Variants in PEAK1 observed in about 807,000 individuals in gnomAD.
PEAK1 encodes inactive tyrosine-protein kinase PEAK1.
A neutral mutation model predicts 124.7 loss-of-function variants in PEAK1; 54 were observed. The observed-to-expected ratio is 0.43, with a 90% CI of 0.35 to 0.54. PEAK1 has a LOEUF of 0.54. Ranked by LOEUF, PEAK1 falls within the 20% of genes least tolerant of loss-of-function variation. The pLI, the probability that PEAK1 is intolerant of heterozygous loss-of-function variation, is 0.01. For missense variants in PEAK1, 2,046 were observed against 2,134.5 expected (o/e 0.96, Z 0.82); for synonymous variants, 719 against 760.0 (o/e 0.95, Z 0.89).
At chr15:77,367,497 T>C (rs2068334104) in intron 1 of PEAK1, among the ~76,000 whole-genome samples, 1 of 152,184 alleles carries the variant, frequency 6.6e-6, no homozygotes, top group South Asian at 2.1e-4. Context: ...CCCCTCAAAC[T>C]GTACTGCACA....
At chr15:77,345,908 T>C in intron 2 of PEAK1, 3 of 984,748 alleles carry the variant, frequency 3.0e-6, no homozygotes, top group Non-Finnish European at 3.6e-6. Flanking sequence ...ATCAAACTCA[T>C]TTAAAGCCTA....
At chr15:77,381,296 T>C (rs2069456806) in intron 1 of PEAK1, 2 of 913,288 alleles carry the variant, frequency 2.2e-6, no homozygotes, top group Non-Finnish European at 2.6e-6. Context: ...GTACTTGTAG[T>C]TCAAGTTACG....
chr15:77,194,796 C>T (rs780441981), intron 6 of PEAK1, among the ~76,000 whole-genome samples: 4 of 152,164 alleles, frequency 2.6e-5, no homozygotes, highest in Non-Finnish European at 5.9e-5. Flanking sequence ...TGACAAGTGA[C>T]TACCTGACAG....
At chr15:77,366,020 A>C (rs182463083) in intron 1 of PEAK1, among the ~76,000 whole-genome samples, 6 of 152,356 alleles carry the variant, frequency 3.9e-5, no homozygotes, top group East Asian at 3.8e-4. Context: ...TGTTCTCTAC[A>C]TTAGCAAAGA....
intron 6 of PEAK1, among the ~76,000 whole-genome samples, chr15:77,210,882 T>G (rs1199626061): frequency 6.6e-6 from 1 of 152,198 alleles, no homozygotes; most frequent in East Asian, 1.9e-4. Flanking sequence ...AGAGCAAGTC[T>G]CTGTCTCAAA....
At chr15:77,354,958 G>C (rs1442991622) in intron 2 of PEAK1, among the ~76,000 whole-genome samples, 3 of 151,852 alleles carry the variant, frequency 2.0e-5, no homozygotes, top group Admixed American at 6.6e-5. Context: ...AGAATGGCGT[G>C]AACCTGGGAG....
At position 77,179,449 on chromosome 15, in the gene PEAK1, A is replaced by G. The variant is rs1336376578; in HGVS notation, c.2478T>C (p.Ser826=). The change falls in exon 7 of 10, where the codon AGT becomes AGC. Residue 826 remains serine, a synonymous_variant. Coordinates refer to ENST00000682557, the MANE Select transcript of PEAK1 (RefSeq NM_001385026.1). ...TGGTCTGAGGTGCTTCAGCCTCACC[A>G]CTAGGCTGAGATGTAAAGAGAGATT... is the stretch of plus-strand genomic sequence containing the variant. ...RPKSLFTSQP[S]GEAEAPQTTD... is the part of the protein sequence containing the mutation. The G allele has an allele frequency of 4.3e-6, 7 of 1,613,998 alleles. No homozygotes were observed. Among genetic ancestry groups the G allele is most frequent in the Non-Finnish European group, 5.1e-6 (6 of 1,180,002 alleles).
intron 9 of PEAK1, among the ~76,000 whole-genome samples, chr15:77,129,443 A>ATTT (rs35174642): frequency 2.8e-5 from 4 of 141,146 alleles, no homozygotes; most frequent in African/African-American, 1.0e-4. Context: ...TCTACCACTG[A>ATTT]TTTTTTTTTT....
chr15:77,285,314 G>C (rs568138114), intron 3 of PEAK1, among the ~76,000 whole-genome samples: 1 of 152,102 alleles, frequency 6.6e-6, no homozygotes, highest in Non-Finnish European at 1.5e-5. Context: ...GCTTATAAAC[G>C]TTAGTTCCCA....
At chr15:77,326,864 A>G (rs2065609270) in intron 2 of PEAK1, among the ~76,000 whole-genome samples, 1 of 152,118 alleles carries the variant, frequency 6.6e-6, no homozygotes, top group Non-Finnish European at 1.5e-5. Context: ...GACAGAAGAA[A>G]ACCTATCTCA....
At position 77,169,239 on chromosome 15, in the gene PEAK1, T is replaced by G. The variant is rs142315173; in HGVS notation, c.3137+9551A>C. On this transcript the variant is annotated intron_variant, in intron 7 of 9. Transcript: ENST00000682557. ...TACTAGGCCTGGTTGAACTGAAAAT[T>G]TAAGCACAGGTTGGCAATAGGTCTT... Among the ~76,000 whole-genome samples the G allele has an allele frequency of 5.3e-4, 80 of 152,258 alleles. No individual in the cohort carries two copies. The East Asian group carries it at 0.014, about 28-fold the overall frequency.
At chr15:77,145,828 C>T (rs1277184108) in intron 8 of PEAK1, among the ~76,000 whole-genome samples, 1 of 152,260 alleles carries the variant, frequency 6.6e-6, no homozygotes, top group East Asian at 1.9e-4. Flanking sequence ...AAGAGTCCAG[C>T]CCCATGTCTA....
chr15:77,418,457 G>A, intron 1 of PEAK1: 2 of 985,254 alleles, frequency 2.0e-6, no homozygotes, highest in South Asian at 4.7e-5. Flanking sequence ...TTTTCACATA[G>A]TTTGTGAGTT....
chr15:77,283,525 A>T (rs1418124116), intron 5 of PEAK1, among the ~76,000 whole-genome samples: 1 of 152,152 alleles, frequency 6.6e-6, no homozygotes, highest in African/African-American at 2.4e-5. Context: ...CTTTCCAATT[A>T]AAAAAATACT....
chr15:77,260,633 A>G (rs2152937598), intron 5 of PEAK1, among the ~76,000 whole-genome samples: 1 of 152,380 alleles, frequency 6.6e-6, no homozygotes, highest in Non-Finnish European at 1.5e-5. Flanking sequence ...CACTAGACAG[A>G]TAAGCAGTAG....
In PEAK1 at chr15:77,179,719, T is replaced by C; in HGVS notation, c.2208A>G (p.Arg736=). The change falls in exon 7 of 10, where the codon AGA becomes AGG. Residue 736 remains arginine, a synonymous_variant. Coordinates refer to ENST00000682557, the MANE Select transcript of PEAK1 (RefSeq NM_001385026.1). ...TTTTGGCCACAGGCTCTTGAGTGGC[T>C]CTCTGGATCTTTGCTGGGGAGCTGT... ...SSHSSPAKIQ[R]ATQEPVAKIE... 6.2e-7 allele frequency: 1 copy of C among 1,614,076 alleles called. No individual in the cohort carries two copies. Among genetic ancestry groups the C allele is most frequent in the Non-Finnish European group, 8.5e-7 (1 of 1,179,990 alleles).
chr15:77,333,521 C>T (rs1169202800), intron 2 of PEAK1: 4 of 854,194 alleles, frequency 4.7e-6, no homozygotes, highest in Non-Finnish European at 5.6e-6. Context: ...AATTTCTCCA[C>T]TACTTGATTA....
chr15:77,336,041 A>T lies in PEAK1; in HGVS notation c.-603+29122T>A, dbSNP rs1051419180. The T allele has an allele frequency of 3.0e-6, 3 of 985,296 alleles. No individual in the cohort carries two copies. In the African/African-American group the frequency reaches 5.2e-5, roughly 17 times the overall value. 61.0% of individuals were successfully genotyped at this position (985,296 alleles called of 1,614,324 possible). A position where few individuals can be genotyped will look rare whatever the true frequency, so the allele number is the denominator to read the frequency against. ...GGTATCTCTGTGTCTTAATTTTTGA[A>T]GGTAAGATAACAAGAATAACAGTGC... is the stretch of plus-strand genomic sequence containing the variant. On this transcript the variant is annotated intron_variant, in intron 2 of 9. Coordinates refer to ENST00000682557, the MANE Select transcript of PEAK1 (RefSeq NM_001385026.1).
intron 5 of PEAK1, among the ~76,000 whole-genome samples, chr15:77,277,667 TGTAA>T (rs1039923893): frequency 2.0e-5 from 3 of 152,178 alleles, no homozygotes; most frequent in African/African-American, 7.2e-5. Context: ...TCACCATACC[TGTAA>T]GTAAATATTT....
Sources: gnomAD v4.1 joint callset for allele counts (sites outside exome capture counted in the v4.1 genomes callset) on GRCh38, gnomAD v4.1.1 for gene constraint, MANE v1.5 for transcripts, NCBI Gene and HGNC (gene_info 2026-07-23, HGNC 2026-07-21) for gene names.